The following ANKRD26 variants were observed in gnomAD, a reference collection of about 807,000 sequenced individuals.
ANKRD26 encodes ankyrin repeat domain 26, also known as ankyrin repeat domain-containing protein 26.
In ANKRD26, 141 loss-of-function variants were observed where a neutral mutation model predicts 208.7. That is an observed-to-expected ratio of 0.68 (90% CI 0.59 to 0.78). The LOEUF (loss-of-function observed/expected upper bound fraction) is 0.78. ANKRD26 is among the 30% of genes least tolerant of loss of function. ANKRD26 has a pLI of 0.00. For missense variants in ANKRD26, 1,889 were observed against 1,938.7 expected (o/e 0.97, Z 0.48); for synonymous variants, 636 against 660.4 (o/e 0.96, Z 0.57).
chr10:27,065,975 C>G (rs1414769004), intron 11 of ANKRD26, among the ~76,000 whole-genome samples: 1 of 150,428 alleles, frequency 6.6e-6, no homozygotes, highest in Non-Finnish European at 1.5e-5. Flanking sequence ...AAGCGATTCC[C>G]CTGCCTCAGC....
downstream of ANKRD26, among the ~76,000 whole-genome samples, chr10:26,970,268 T>C (rs1459169026): frequency 2.6e-5 from 4 of 152,016 alleles, no homozygotes; most frequent in African/African-American, 9.7e-5. Flanking sequence ...GTATTGGAGG[T>C]GGGGCCTGGC....
intron 21 of ANKRD26, among the ~76,000 whole-genome samples, chr10:27,039,397 T>C (rs1341900768): frequency 2.7e-5 from 4 of 149,906 alleles, no homozygotes; most frequent in African/African-American, 9.8e-5. Context: ...GAGGTTACAG[T>C]GAGCCAAGAT....
chr10:27,051,842 T>C (rs2054673546), intron 16 of ANKRD26: 1 of 985,288 alleles, frequency 1.0e-6, no homozygotes, highest in African/African-American at 1.7e-5. Flanking sequence ...GTAGTGACTC[T>C]TCCCCAGGAG....
chr10:26,980,384 T>C (rs1388700784), intron 5 of ANKRD26, among the ~76,000 whole-genome samples: 2 of 152,224 alleles, frequency 1.3e-5, no homozygotes, highest in Non-Finnish European at 2.9e-5. Flanking sequence ...AGCCATTCCT[T>C]AGCTTTAGCA....
intron 17 of ANKRD26, among the ~76,000 whole-genome samples, chr10:27,047,739 A>ATTATTATT (rs1564388490): frequency 5.0e-3 from 247 of 49,308 alleles, no homozygotes; most frequent in African/African-American, 8.4e-3. Flanking sequence ...TAATAATAAT[A>ATTATTATT]ATTATTATTA....
chr10:27,098,707 C>A (rs1471739373), intron 1 of ANKRD26, among the ~76,000 whole-genome samples: 1 of 152,024 alleles, frequency 6.6e-6, no homozygotes, highest in African/African-American at 2.4e-5. Flanking sequence ...CGCCACCATG[C>A]CCGGCTGATT....
chr10:26,965,622 T>A, the ANKRD26 span, among the ~76,000 whole-genome samples: 1 of 152,070 alleles, frequency 6.6e-6, no homozygotes, highest in Non-Finnish European at 1.5e-5. Context: ...AAAGCCAAAA[T>A]TGACAAATGG....
At chr10:26,976,878 G>C (rs2052235559) in intron 5 of ANKRD26, among the ~76,000 whole-genome samples, 2 of 152,136 alleles carry the variant, frequency 1.3e-5, no homozygotes, top group African/African-American at 2.4e-5. Flanking sequence ...GTTGGTCACA[G>C]CCAAGGAACC....
In ANKRD26 at chr10:27,004,129, A is replaced by C. The variant is rs2052791298; in HGVS notation, c.*1461T>G. ...CTGCAACCTACAAACAGTTTAGAAA[A>C]AAAATCTGTATTAAGTACCTATATT... On this transcript the variant is annotated 3_prime_UTR_variant, in exon 34 of 34. Transcript: ENST00000376087. 1 of 152,188 alleles carries C rather than the reference A, an allele frequency of 6.6e-6. No individual in the cohort carries two copies. Among genetic ancestry groups the C allele is most frequent in the South Asian group, 2.1e-4 (1 of 4,836 alleles). The allele number at this position is 152,188 out of a possible 1,614,324, so 9.4% of individuals were successfully genotyped here. A position where few individuals can be genotyped will look rare whatever the true frequency, so the allele number is the denominator to read the frequency against.
chr10:26,984,017 GA>G (rs1186287329), intron 3 of ANKRD26, among the ~76,000 whole-genome samples: 1 of 152,164 alleles, frequency 6.6e-6, no homozygotes. Context: ...AGCCACTGTA[GA>G]AACAGGTTTA....
At chr10:27,014,420 G>A in intron 31 of ANKRD26, 74 bp downstream of exon 31, 1 of 1,168,200 alleles carries the variant, frequency 8.6e-7, no homozygotes, top group Non-Finnish European at 1.2e-6. Context: ...TTAATCTCAT[G>A]AACCTAAGAA....
intron 3 of ANKRD26, among the ~76,000 whole-genome samples, chr10:26,985,245 A>G (rs145617461): frequency 9.2e-5 from 14 of 152,252 alleles, no homozygotes; most frequent in Admixed American, 8.5e-4. Context: ...TTTGGGAGAG[A>G]GAACACATGG....
At chr10:26,989,049 T>C (rs1422844151), downstream of ANKRD26, among the ~76,000 whole-genome samples, 1 of 152,124 alleles carries the variant, frequency 6.6e-6, no homozygotes, top group African/African-American at 2.4e-5. Context: ...GACAATTCCA[T>C]CTATGGCTTC....
intron 1 of ANKRD26, among the ~76,000 whole-genome samples, chr10:27,097,932 C>A (rs1034940655): frequency 6.6e-6 from 1 of 152,092 alleles, no homozygotes; most frequent in Non-Finnish European, 1.5e-5. Flanking sequence ...GGATTACAGG[C>A]CTAAGCCATT....
At chr10:27,018,007 T>C (rs2053356835) in intron 29 of ANKRD26, among the ~76,000 whole-genome samples, 1 of 152,168 alleles carries the variant, frequency 6.6e-6, no homozygotes, top group African/African-American at 2.4e-5. Flanking sequence ...CTTATTTTTA[T>C]CATCTCTGCC....
At chr10:27,006,873 C>T in intron 33 of ANKRD26, 44 bp downstream of exon 33, 2 of 1,433,962 alleles carry the variant, frequency 1.4e-6, no homozygotes, top group Non-Finnish European at 2.0e-6. Flanking sequence ...TTTCAGAAAT[C>T]AATTAATTAA....
chr10:27,090,361 C>G (rs2056260312), intron 4 of ANKRD26, among the ~76,000 whole-genome samples: 1 of 151,930 alleles, frequency 6.6e-6, no homozygotes, highest in Non-Finnish European at 1.5e-5. Flanking sequence ...CCACTGCACT[C>G]CAGCCTGGGC....
chr10:27,078,432 T>C (rs995370645), intron 7 of ANKRD26, among the ~76,000 whole-genome samples: 1 of 151,632 alleles, frequency 6.6e-6, no homozygotes, highest in African/African-American at 2.4e-5. Context: ...TTTTAAAAGA[T>C]GAAAGAGTAG....
chr10:27,082,874 A>G (rs1275325769), intron 5 of ANKRD26, 41 bp from the exon 6 acceptor site: 3 of 1,557,328 alleles, frequency 1.9e-6, no homozygotes, highest in Non-Finnish European at 2.6e-6. Context: ...AATCAACAAT[A>G]GAAAAATATA....
Sources: allele counts gnomAD v4.1 joint callset (sites outside exome capture counted in the v4.1 genomes callset), GRCh38; gene constraint gnomAD v4.1.1; transcripts MANE v1.5; gene names NCBI Gene and HGNC (gene_info 2026-07-23, HGNC 2026-07-21).